TBC1D14: variants seen among roughly 807,000 people sequenced by gnomAD.
TBC1D14 encodes the protein TBC1 domain family member 14.
In TBC1D14, 26 loss-of-function variants were observed where a neutral mutation model predicts 79.0. That is an observed-to-expected ratio of 0.33 (90% CI 0.24 to 0.46). The LOEUF (loss-of-function observed/expected upper bound fraction) is 0.46, where lower values mean the gene tolerates loss of function less well. Ranked by LOEUF, TBC1D14 falls within the 20% of genes least tolerant of loss-of-function variation. The probability of loss-of-function intolerance (pLI) is 1.00; values close to 1 mark genes in which losing one functional copy is unlikely to be tolerated. For synonymous variants in TBC1D14, 394 were observed against 349.9 expected (o/e 1.13, Z -1.40); for missense variants, 769 against 887.6 (o/e 0.87, Z 1.70).
intron 3 of TBC1D14, among the ~76,000 whole-genome samples, chr4:6,973,038 G>A (rs1387171893): frequency 6.6e-6 from 1 of 152,228 alleles, no homozygotes; most frequent in East Asian, 1.9e-4. Context: ...GTTGGACTCT[G>A]AGGGTGCTGC....
At chr4:6,959,486 C>T (rs1197338207) in intron 2 of TBC1D14, among the ~76,000 whole-genome samples, 1 of 152,164 alleles carries the variant, frequency 6.6e-6, no homozygotes, top group Non-Finnish European at 1.5e-5. Flanking sequence ...CTGTGGTCCT[C>T]CTGCAGGCTC....
intron 3 of TBC1D14, among the ~76,000 whole-genome samples, chr4:6,989,068 T>C (rs1021456605): frequency 5.3e-5 from 8 of 152,044 alleles, no homozygotes; most frequent in Non-Finnish European, 7.4e-5. Flanking sequence ...TGTTTGAGAA[T>C]CATGATCCTT....
chr4:6,964,785 ATTTGT>A (rs1451470278), intron 2 of TBC1D14, among the ~76,000 whole-genome samples: 1 of 152,162 alleles, frequency 6.6e-6, no homozygotes, highest in Non-Finnish European at 1.5e-5. Flanking sequence ...CAGTGAAACT[ATTTGT>A]TTTATTTTTT....
intron 2 of TBC1D14, among the ~76,000 whole-genome samples, chr4:6,933,007 T>C (rs1051826207): frequency 5.9e-5 from 9 of 152,040 alleles, no homozygotes; most frequent in African/African-American, 1.7e-4. Context: ...TTGGCAGAGC[T>C]CGTTGTGGCT....
At chr4:7,021,241 G>C (rs912404294) in intron 12 of TBC1D14, among the ~76,000 whole-genome samples, 2 of 152,204 alleles carry the variant, frequency 1.3e-5, no homozygotes, top group African/African-American at 2.4e-5. Context: ...AAACAGATAC[G>C]CAGCTTTTGT....
intron 2 of TBC1D14, among the ~76,000 whole-genome samples, chr4:6,928,550 GGGCCGGGTGCGGT>G (rs1457780581): frequency 6.6e-6 from 1 of 152,088 alleles, no homozygotes; most frequent in Non-Finnish European, 1.5e-5. Context: ...TAATATGAGG[GGGCCGGGTGCGGT>G]GGCTCATGCC....
intron 7 of TBC1D14, among the ~76,000 whole-genome samples, chr4:7,002,140 G>A (rs1282737824): frequency 6.6e-6 from 1 of 152,200 alleles, no homozygotes; most frequent in East Asian, 1.9e-4. Context: ...CGCCCTCACG[G>A]AGCGTCAGCC....
chr4:6,954,414 A>T, intron 2 of TBC1D14: 1 of 717,152 alleles, frequency 1.4e-6, no homozygotes, highest in South Asian at 1.5e-5. Flanking sequence ...TCCTGCGTGT[A>T]GCTTTGACAG....
At chr4:6,965,927 C>T (rs888539067) in intron 2 of TBC1D14, among the ~76,000 whole-genome samples, 2 of 152,208 alleles carry the variant, frequency 1.3e-5, no homozygotes, top group East Asian at 3.9e-4. Flanking sequence ...GAGACACTTT[C>T]AAACTGTGTA....
intron 1 of TBC1D14, chr4:6,910,367 T>C: frequency 6.6e-6 from 1 of 151,776 alleles, no homozygotes; most frequent in Non-Finnish European, 1.5e-5. Context: ...CAGCGGACCC[T>C]CCTCCTTGGA....
chr4:7,021,787 A>G (rs562889900), intron 12 of TBC1D14, among the ~76,000 whole-genome samples: 1 of 152,088 alleles, frequency 6.6e-6, no homozygotes. Context: ...GGAGAGAAAA[A>G]CCCTTGAATT....
intron 3 of TBC1D14, among the ~76,000 whole-genome samples, chr4:6,982,499 A>T (rs181986219): frequency 1.3e-5 from 2 of 152,332 alleles, no homozygotes; most frequent in East Asian, 3.9e-4. Flanking sequence ...CAACTGTTTT[A>T]TATCTTGATT....
chr4:6,919,167 G>A (rs1307448974), intron 1 of TBC1D14, among the ~76,000 whole-genome samples: 2 of 148,968 alleles, frequency 1.3e-5, no homozygotes, highest in African/African-American at 5.0e-5. Flanking sequence ...TTTTTTTTTA[G>A]ACGGAGTTTT....
In TBC1D14 at chr4:7,001,407, G is replaced by A. The variant is rs1560332622; in HGVS notation, c.1270+156G>A. 5 of 653,308 alleles carry A rather than the reference G, an allele frequency of 7.7e-6. No individual in the cohort carries two copies. The East Asian group carries it at 1.4e-4, about 18-fold the overall frequency. 40.5% of individuals were successfully genotyped at this position (653,308 alleles called of 1,614,324 possible). ...TCCTTCAGGAGAGAGGGGCAGTTGG[G>A]AGGCCTGGGTTTAGTGCTGTGCACT... On this transcript the variant is annotated intron_variant, in intron 7 of 13. Transcript: ENST00000409757.
In TBC1D14 at chr4:6,923,378, C is replaced by T; in HGVS notation, c.-12C>T. Reference sequence around the variant, plus strand: ...CATGTTTGTGTTTTTTCTAGTTTCTCCTTGGACCAAGATGACTGATGGAAA... The same window carrying T: ...CATGTTTGTGTTTTTTCTAGTTTCTTCTTGGACCAAGATGACTGATGGAAA... On this transcript the variant is annotated 5_prime_UTR_variant, in exon 2 of 14. Transcript: ENST00000409757. The T allele has an allele frequency of 1.3e-6, 2 of 1,579,542 alleles. No homozygotes were observed. The highest frequency in any genetic ancestry group is 1.2e-5 in the South Asian group (1 of 86,906).
chr4:6,981,152 G>A (rs1560305119), intron 3 of TBC1D14, among the ~76,000 whole-genome samples: 1 of 151,570 alleles, frequency 6.6e-6, no homozygotes, highest in African/African-American at 2.4e-5. Context: ...AGCCACCCGA[G>A]TAGCTGGGAT....
intron 3 of TBC1D14, among the ~76,000 whole-genome samples, chr4:6,980,715 C>G (rs1050613305): frequency 6.6e-6 from 1 of 151,716 alleles, no homozygotes; most frequent in African/African-American, 2.4e-5. Flanking sequence ...TTATAAATAA[C>G]TTGTCTTTTT....
chr4:7,019,023 T>G (rs1028476836), intron 12 of TBC1D14, among the ~76,000 whole-genome samples: 6 of 152,116 alleles, frequency 3.9e-5, no homozygotes, highest in South Asian at 2.1e-4. Flanking sequence ...TCCATCTTTT[T>G]TTGTTGTTGT....
intron 2 of TBC1D14, among the ~76,000 whole-genome samples, chr4:6,940,765 C>G (rs926736086): frequency 9.9e-5 from 15 of 152,188 alleles, no homozygotes; most frequent in Admixed American, 1.3e-4. Flanking sequence ...GGCTGGGCGG[C>G]TGGACACAGT....
Sources: allele counts gnomAD v4.1 joint callset (sites outside exome capture counted in the v4.1 genomes callset), GRCh38; gene constraint gnomAD v4.1.1; transcripts MANE v1.5; gene names NCBI Gene and HGNC (gene_info 2026-07-23, HGNC 2026-07-21).